The following PTK2 variants were observed in gnomAD, a reference collection of about 807,000 sequenced individuals.
PTK2 encodes the protein focal adhesion kinase 1.
Under a neutral mutation model 150.1 loss-of-function variants are expected in PTK2, and 45 were observed. That is an observed-to-expected ratio of 0.30 (90% CI 0.24 to 0.38). The LOEUF is 0.38. Ranked by LOEUF, PTK2 falls within the 10% of genes least tolerant of loss-of-function variation. The pLI is 1.00. For missense variants in PTK2, 919 were observed against 1,307.3 expected (o/e 0.70, Z 4.58); for synonymous variants, 432 against 449.2 (o/e 0.96, Z 0.48).
chr8:140,833,289 T>C (rs931534202), intron 7 of PTK2, among the ~76,000 whole-genome samples: 10 of 152,204 alleles, frequency 6.6e-5, no homozygotes, highest in African/African-American at 2.2e-4. Context: ...TAGAACTTTT[T>C]TGATACCTGG....
intron 1 of PTK2, among the ~76,000 whole-genome samples, chr8:140,973,614 C>T (rs1386436788): frequency 1.3e-5 from 2 of 152,118 alleles, no homozygotes; most frequent in Non-Finnish European, 2.9e-5. Flanking sequence ...CATAATCAAC[C>T]ATGTACTGTT....
At chr8:140,999,254 T>C (rs2100199054) in intron 1 of PTK2, among the ~76,000 whole-genome samples, 1 of 152,228 alleles carries the variant, frequency 6.6e-6, no homozygotes, top group Admixed American at 6.5e-5. Context: ...GCGTCTACAC[T>C]GAAGTCTTAG....
At chr8:140,848,627 C>T (rs970554264) in intron 5 of PTK2, among the ~76,000 whole-genome samples, 1 of 152,108 alleles carries the variant, frequency 6.6e-6, no homozygotes, top group Admixed American at 6.5e-5. Flanking sequence ...AAGTAAAAAG[C>T]TTTAGGTCTA....
At chr8:140,717,844 GAA>G in intron 22 of PTK2, 135 bp from the exon 26 acceptor site, 1 of 642,018 alleles carries the variant, frequency 1.6e-6, no homozygotes, top group Non-Finnish European at 2.8e-6. Flanking sequence ...ATACACAGGG[GAA>G]AGAAGGATCA....
chr8:140,963,997 G>A (rs752776441), intron 1 of PTK2, among the ~76,000 whole-genome samples: 1 of 152,068 alleles, frequency 6.6e-6, no homozygotes, highest in Admixed American at 6.6e-5. Flanking sequence ...TTCCCTTAAT[G>A]TGCCATGCTA....
chr8:140,961,975 C>T (rs2100183340), intron 1 of PTK2, among the ~76,000 whole-genome samples: 2 of 151,946 alleles, frequency 1.3e-5, no homozygotes, highest in Admixed American at 1.3e-4. Context: ...ATATCTGGGC[C>T]TGGTGTGGTG....
chr8:140,848,520 A>G lies in PTK2; in HGVS notation c.451-1842T>C, dbSNP rs117531483. On this transcript the variant is annotated intron_variant, in intron 5 of 31. Transcript: ENST00000522684. ...GGTACATAAATGTTATTTTCCATAT[A>G]TATTTTCCCTCCTTTACAAGGAACA... Among the ~76,000 whole-genome samples, 148 of 152,304 alleles carry G rather than the reference A, an allele frequency of 9.7e-4. No homozygotes were observed. In the East Asian group the frequency reaches 0.025, roughly 26 times the overall value.
At chr8:140,973,695 A>T (rs2154609712) in intron 1 of PTK2, among the ~76,000 whole-genome samples, 1 of 152,300 alleles carries the variant, frequency 6.6e-6, no homozygotes, top group South Asian at 2.1e-4. Flanking sequence ...TCTCAAGGCA[A>T]TTCCTTAGGA....
chr8:140,710,036 G>A (rs2100035909), intron 23 of PTK2, among the ~76,000 whole-genome samples: 1 of 152,126 alleles, frequency 6.6e-6, no homozygotes, highest in South Asian at 2.1e-4. Context: ...TATGTAAGCC[G>A]GGTGCAGTGG....
exon 5 of PTK2, chr8:140,864,392 A>G (rs1037565552): frequency 6.4e-7 from 1 of 1,554,820 alleles, no homozygotes; most frequent in East Asian, 2.3e-5. Flanking sequence ...CGAATTCTCA[A>G]TTCATATCTA....
chr8:140,820,105 T>TTTTTTTTTTTTTTTG (rs2100107452), intron 8 of PTK2, among the ~76,000 whole-genome samples: 1 of 79,182 alleles, frequency 1.3e-5, no homozygotes, highest in Admixed American at 1.3e-4. Flanking sequence ...TTTTTTTTTT[T>TTTTTTTTTTTTTTTG]TTTTTTTTTT....
At chr8:140,810,513 C>A (rs2100100855) in intron 10 of PTK2, among the ~76,000 whole-genome samples, 1 of 152,208 alleles carries the variant, frequency 6.6e-6, no homozygotes, top group South Asian at 2.1e-4. Flanking sequence ...TTCTGACCAG[C>A]AGAGAGCTCC....
chr8:140,871,672 C>T (rs1206914083), intron 4 of PTK2, among the ~76,000 whole-genome samples: 5 of 152,158 alleles, frequency 3.3e-5, no homozygotes, highest in Admixed American at 2.0e-4. Flanking sequence ...TGATGGCATG[C>T]GCCTATGATC....
intron 27 of PTK2, among the ~76,000 whole-genome samples, chr8:140,683,407 G>T (rs2100018132): frequency 6.6e-6 from 1 of 152,072 alleles, no homozygotes; most frequent in South Asian, 2.1e-4. Context: ...CTTCACAGTT[G>T]AATTTTAACA....
chr8:140,929,590 G>A (rs548919380), intron 1 of PTK2, among the ~76,000 whole-genome samples: 1 of 152,216 alleles, frequency 6.6e-6, no homozygotes, highest in South Asian at 2.1e-4. Flanking sequence ...ACACAAGTAA[G>A]GACTTGTGAT....
intron 2 of PTK2, among the ~76,000 whole-genome samples, chr8:140,898,497 A>G (rs1169318891): frequency 6.6e-6 from 1 of 152,196 alleles, no homozygotes; most frequent in Admixed American, 6.5e-5. Context: ...CATAGGAAAC[A>G]TATCAAGGGT....
At chr8:140,972,860 T>TC (rs149311571) in intron 1 of PTK2, among the ~76,000 whole-genome samples, 65,307 of 151,950 alleles carry the variant, frequency 0.43, 14,386 homozygotes, top group Admixed American at 0.55. Context: ...CTGACAAATT[T>TC]CACCCTATGG....
At chr8:140,933,194 A>G (rs968682398) in intron 1 of PTK2, among the ~76,000 whole-genome samples, 1 of 151,996 alleles carries the variant, frequency 6.6e-6, no homozygotes, top group African/African-American at 2.4e-5. Context: ...AGTAATGAAA[A>G]AAAAAAAAAA....
chr8:140,929,602 C>T (rs1352747913), intron 1 of PTK2, among the ~76,000 whole-genome samples: 1 of 152,082 alleles, frequency 6.6e-6, no homozygotes, highest in Admixed American at 6.5e-5. Context: ...ACTTGTGATA[C>T]AATTAGACTG....
Sources: allele counts gnomAD v4.1 joint callset (sites outside exome capture counted in the v4.1 genomes callset), GRCh38; gene constraint gnomAD v4.1.1; transcripts MANE v1.5; gene names NCBI Gene and HGNC (gene_info 2026-07-23, HGNC 2026-07-21).